The following ADAMTS12 variants were observed in gnomAD, a reference collection of about 807,000 sequenced individuals.
The protein encoded by ADAMTS12 is A disintegrin and metalloproteinase with thrombospondin motifs 12.
Under a neutral mutation model 167.8 loss-of-function variants are expected in ADAMTS12, and 118 were observed. That is an observed-to-expected ratio of 0.70 (90% CI 0.61 to 0.82). The LOEUF is 0.82. Among genes scored for constraint, ADAMTS12 ranks in the 40% least tolerant of loss-of-function variants. The pLI is 0.00. For missense variants in ADAMTS12, 1,916 were observed against 1,998.8 expected, an observed-to-expected ratio of 0.96 and a Z score of 0.79; for synonymous variants, 704 against 716.9, an observed-to-expected ratio of 0.98 and a Z score of 0.29.
At chr5:33,670,555 A>T (rs12189429) in intron 5 of ADAMTS12, among the ~76,000 whole-genome samples, 145,075 of 152,244 alleles carry the variant, frequency 0.95, 69,519 homozygotes, top group Non-Finnish European at 1. Flanking sequence ...CAGCCTGGCC[A>T]ACATGGTGAA....
At chr5:33,819,182 A>T (rs2548033) in intron 2 of ADAMTS12, among the ~76,000 whole-genome samples, 96,658 of 151,904 alleles carry the variant, frequency 0.64, 30,925 homozygotes, top group African/African-American at 0.68. Context: ...TTCAAGGAGC[A>T]TTTTCCTTAT....
At chr5:33,876,735 TA>T (rs1427800781) in intron 2 of ADAMTS12, among the ~76,000 whole-genome samples, 5 of 152,086 alleles carry the variant, frequency 3.3e-5, no homozygotes, top group Non-Finnish European at 7.4e-5. Context: ...GGTATAGCTA[TA>T]AAAGGATAAC....
intron 16 of ADAMTS12, among the ~76,000 whole-genome samples, chr5:33,606,299 T>C (rs540158598): frequency 2.6e-5 from 4 of 152,272 alleles, no homozygotes; most frequent in Non-Finnish European, 5.9e-5. Flanking sequence ...GGACTATTTA[T>C]TACTTAAGAA....
intron 14 of ADAMTS12, among the ~76,000 whole-genome samples, chr5:33,616,869 G>A (rs1397693491): frequency 6.6e-6 from 1 of 152,156 alleles, no homozygotes; most frequent in Admixed American, 6.5e-5. Context: ...GCATACTGGT[G>A]AAAAAATTAA....
chr5:33,817,507 T>C (rs960692211), intron 2 of ADAMTS12, among the ~76,000 whole-genome samples: 4 of 152,064 alleles, frequency 2.6e-5, no homozygotes, highest in Non-Finnish European at 5.9e-5. Flanking sequence ...TACCAAACAT[T>C]ACAAAAATAG....
At chr5:33,841,475 T>C (rs962747848) in intron 2 of ADAMTS12, among the ~76,000 whole-genome samples, 4 of 152,234 alleles carry the variant, frequency 2.6e-5, no homozygotes, top group African/African-American at 4.8e-5. Flanking sequence ...CTCACACTTT[T>C]TGTTCTCCTC....
Position 33,561,141 on chromosome 5 carries a change from C to A in ADAMTS12, c.4011G>T (p.Arg1337Ser). Residue 1337 changes from arginine to serine, a missense_variant, in exon 20 of 24, where the codon AGG (arginine) becomes AGT (serine). Arg to Ser is a moderately radical substitution (Grantham distance 110). Transcript: ENST00000504830. ...AATCCATCTGGGTGCTGCACTCCACCCTTCTCCAGTAGGCCCCCAGGCCAC... is the reference window on the plus strand; with the variant it reads ...AATCCATCTGGGTGCTGCACTCCACACTTCTCCAGTAGGCCCCCAGGCCAC... ...TTCGLGAYWR[R>S]VECSTQMDSD... 1 of 1,614,136 alleles carries A rather than the reference C, an allele frequency of 6.2e-7. No individual in the cohort carries two copies. Among genetic ancestry groups the A allele is most frequent in the Non-Finnish European group, 8.5e-7 (1 of 1,180,012 alleles).
At chr5:33,719,314 A>C (rs1453841918) in intron 3 of ADAMTS12, among the ~76,000 whole-genome samples, 6 of 152,168 alleles carry the variant, frequency 3.9e-5, no homozygotes. Context: ...GGAAACCAAG[A>C]GGACTTTGTT....
At chr5:33,854,770 G>A (rs769252039) in intron 2 of ADAMTS12, among the ~76,000 whole-genome samples, 2 of 152,170 alleles carry the variant, frequency 1.3e-5, no homozygotes, top group Admixed American at 6.6e-5. Context: ...CACTGATAGC[G>A]ACAGGAGGAA....
At chr5:33,600,790 T>G (rs146681645) in intron 16 of ADAMTS12, among the ~76,000 whole-genome samples, 186 of 152,322 alleles carry the variant, frequency 1.2e-3, no homozygotes, top group African/African-American at 4.0e-3. Context: ...ATTTTAATAA[T>G]AGAAAATGAT....
chr5:33,776,260 G>A (rs1420627353), intron 2 of ADAMTS12, among the ~76,000 whole-genome samples: 1 of 152,106 alleles, frequency 6.6e-6, no homozygotes, highest in Non-Finnish European at 1.5e-5. Context: ...TCCAACAGCA[G>A]CAAAATATAT....
chr5:33,678,724 C>T (rs771601308), intron 5 of ADAMTS12, among the ~76,000 whole-genome samples: 6 of 152,088 alleles, frequency 3.9e-5, no homozygotes, highest in Admixed American at 1.3e-4. Flanking sequence ...CTGGACTAAA[C>T]GAAGCCAGGT....
chr5:33,741,327 T>C (rs1420372774), intron 3 of ADAMTS12, among the ~76,000 whole-genome samples: 1 of 152,196 alleles, frequency 6.6e-6, no homozygotes, highest in Non-Finnish European at 1.5e-5. Flanking sequence ...GAGGCCTCTC[T>C]CCTTGGCTTG....
chr5:33,566,169 A>G (rs1009884071), intron 19 of ADAMTS12, among the ~76,000 whole-genome samples: 17 of 152,224 alleles, frequency 1.1e-4, no homozygotes, highest in African/African-American at 4.1e-4. Context: ...TTCAAATGGA[A>G]TAGCCAAAAC....
chr5:33,580,642 C>T (rs7730548), intron 18 of ADAMTS12, among the ~76,000 whole-genome samples: 6,090 of 152,248 alleles, frequency 0.04, 385 homozygotes, highest in African/African-American at 0.13. Context: ...AGCAGCCTAA[C>T]AGCTACATTT....
chr5:33,605,244 T>A (rs1269615138), intron 16 of ADAMTS12, among the ~76,000 whole-genome samples: 1 of 152,186 alleles, frequency 6.6e-6, no homozygotes, highest in African/African-American at 2.4e-5. Flanking sequence ...AGCTCCACAT[T>A]TGTACAATTT....
At position 33,576,777 on chromosome 5, in the gene ADAMTS12, G is replaced by T; in HGVS notation, c.3249C>A (p.Ser1083=). The change falls in exon 19 of 24, where the codon TCC becomes TCA. Residue 1083 remains serine, a synonymous_variant. Coordinates refer to ENST00000504830, the MANE Select transcript of ADAMTS12 (RefSeq NM_030955.4). Reference sequence around the variant, plus strand: ...GGATGGGCTGGGAAGTGCTTCCAGTGGAAATGAGATAGCGAGAGCTCAGCT... The same window carrying T: ...GGATGGGCTGGGAAGTGCTTCCAGTTGAAATGAGATAGCGAGAGCTCAGCT... ...QPELSSRYLI[S]TGSTSQPILT... is the part of the protein sequence containing the mutation. The T allele has an allele frequency of 6.2e-7, 1 of 1,614,210 alleles. No individual in the cohort carries two copies. The highest frequency in any genetic ancestry group is 2.2e-5 in the East Asian group (1 of 44,886).
chr5:33,776,941 T>C (rs142045583), intron 2 of ADAMTS12, among the ~76,000 whole-genome samples: 315 of 152,168 alleles, frequency 2.1e-3, no homozygotes, highest in African/African-American at 7.2e-3. Context: ...ATGGATAAAT[T>C]CCTAGAAACC....
At chr5:33,767,273 T>A (rs540049832) in intron 2 of ADAMTS12, among the ~76,000 whole-genome samples, 1 of 152,332 alleles carries the variant, frequency 6.6e-6, no homozygotes, top group Non-Finnish European at 1.5e-5. Flanking sequence ...CCTGAATGGT[T>A]GGATAACGGT....
Sources: gnomAD v4.1 joint callset for allele counts (sites outside exome capture counted in the v4.1 genomes callset) on GRCh38, gnomAD v4.1.1 for gene constraint, MANE v1.5 for transcripts, NCBI Gene and HGNC (gene_info 2026-07-23, HGNC 2026-07-21) for gene names.